DMC1: variants seen among roughly 807,000 people sequenced by gnomAD.
DMC1 encodes the protein meiotic recombination protein DMC1 homolog.
Under a neutral mutation model 50.1 loss-of-function variants are expected in DMC1, and 27 were observed. That is an observed-to-expected ratio of 0.54 (90% CI 0.40 to 0.74). DMC1 has a LOEUF of 0.74. Among genes scored for constraint, DMC1 ranks in the 30% least tolerant of loss-of-function variants. DMC1 has a pLI of 0.00. For synonymous variants in DMC1, 148 were observed against 136.1 expected, an observed-to-expected ratio of 1.09 and a Z score of -0.61; for missense variants, 295 against 420.2, an observed-to-expected ratio of 0.70 and a Z score of 2.60.
At chr22:38,562,696 A>G (rs2090540023) in intron 4 of DMC1, among the ~76,000 whole-genome samples, 1 of 151,972 alleles carries the variant, frequency 6.6e-6, no homozygotes, top group Non-Finnish European at 1.5e-5. Context: ...AATTATATAT[A>G]TATACACACA....
At chr22:38,562,832 C>T (rs2090543703) in intron 4 of DMC1, among the ~76,000 whole-genome samples, 1 of 151,132 alleles carries the variant, frequency 6.6e-6, no homozygotes, top group Admixed American at 6.6e-5. Context: ...CACATATATA[C>T]ATATACACAT....
chr22:38,538,759 G>T, intron 9 of DMC1, 147 bp from the exon 10 acceptor site: 1 of 794,174 alleles, frequency 1.3e-6, no homozygotes, highest in Non-Finnish European at 2.1e-6. Context: ...TTGCAGCAGG[G>T]CATGGTGGCT....
intron 8 of DMC1, among the ~76,000 whole-genome samples, chr22:38,543,886 T>C (rs2090314190): frequency 6.6e-6 from 1 of 152,114 alleles, no homozygotes; most frequent in South Asian, 2.1e-4. Flanking sequence ...CTCTTTAAAA[T>C]AGCCAGTCGG....
At chr22:38,514,780 C>T (rs538994232), downstream of DMC1, among the ~76,000 whole-genome samples, 5 of 152,174 alleles carry the variant, frequency 3.3e-5, no homozygotes, top group African/African-American at 1.2e-4. Context: ...CCTGTATGGT[C>T]TAAAAGGAGA....
In DMC1 at chr22:38,520,092, A is replaced by G. The variant is rs764852949; in HGVS notation, c.954-3T>C. 19 of 1,611,386 alleles carry G rather than the reference A, an allele frequency of 1.2e-5. No individual in the cohort carries two copies. The highest frequency in any genetic ancestry group is 5.3e-5 in the African/African-American group (4 of 74,852). On this transcript the variant is annotated splice_region_variant and splice_polypyrimidine_tract_variant and intron_variant, in intron 13 of 13. Coordinates refer to ENST00000216024, the MANE Select transcript of DMC1 (RefSeq NM_007068.4). ...CTTCATTTTCAGGCATCTCAGGACTAACAGAATACAAGGGAACAGAAGTTT... is the reference window on the plus strand; with the variant it reads ...CTTCATTTTCAGGCATCTCAGGACTGACAGAATACAAGGGAACAGAAGTTT...
At chr22:38,560,469 C>T (rs1316847400) in intron 5 of DMC1, among the ~76,000 whole-genome samples, 1 of 150,392 alleles carries the variant, frequency 6.6e-6, no homozygotes, top group African/African-American at 2.4e-5. Flanking sequence ...CCAGCCTAAC[C>T]TATGTTTTAA....
chr22:38,529,035 A>G (rs2145814662), intron 12 of DMC1, among the ~76,000 whole-genome samples: 1 of 149,858 alleles, frequency 6.7e-6, no homozygotes, highest in East Asian at 2.0e-4. Context: ...TTTTTGACGG[A>G]GTTTCGCTCT....
intron 2 of DMC1, 128 bp downstream of exon 2, chr22:38,568,078 C>T (rs11570379): frequency 0.024 from 19,919 of 826,828 alleles, 359 homozygotes; most frequent in South Asian, 0.051. Context: ...CAAGTTGTTA[C>T]ATATTTGCAA....
chr22:38,539,487 TC>T (rs1354264790), intron 8 of DMC1, 75 bp from the exon 9 acceptor site: 1 of 1,142,848 alleles, frequency 8.8e-7, no homozygotes, highest in Non-Finnish European at 1.3e-6. Context: ...AAACATAATA[TC>T]TTCCGTAAAT....
intron 4 of DMC1, among the ~76,000 whole-genome samples, chr22:38,562,688 T>TTA (rs113831168): frequency 0.029 from 4,457 of 151,806 alleles, 210 homozygotes; most frequent in African/African-American, 0.1. Context: ...GAAAATTAAA[T>TTA]TATATATATA....
At chr22:38,561,499 A>AT (rs2145997650) in intron 5 of DMC1, among the ~76,000 whole-genome samples, 1 of 152,298 alleles carries the variant, frequency 6.6e-6, no homozygotes, top group East Asian at 1.9e-4. Context: ...GATGTCAAGG[A>AT]TAACACCCAG....
downstream of DMC1, among the ~76,000 whole-genome samples, chr22:38,516,127 T>C (rs2089975058): frequency 1.3e-5 from 2 of 152,162 alleles, no homozygotes. Flanking sequence ...GCACTGGTGA[T>C]TTTCCTGCTG....
At chr22:38,527,039 G>A (rs982182532) in intron 12 of DMC1, among the ~76,000 whole-genome samples, 5 of 152,074 alleles carry the variant, frequency 3.3e-5, no homozygotes, top group African/African-American at 4.8e-5. Context: ...ATACATCCCT[G>A]CAAAACCTCT....
intron 8 of DMC1, among the ~76,000 whole-genome samples, chr22:38,543,303 C>T (rs2090307184): frequency 6.6e-6 from 1 of 150,776 alleles, no homozygotes; most frequent in East Asian, 1.9e-4. Context: ...GATCTCGGCT[C>T]ACTGCAAGCT....
chr22:38,561,417 C>T (rs1371271286), intron 5 of DMC1, among the ~76,000 whole-genome samples: 1 of 152,060 alleles, frequency 6.6e-6, no homozygotes, highest in Non-Finnish European at 1.5e-5. Context: ...TTTGTTCTGA[C>T]TAAATATATT....
chr22:38,537,277 G>A (rs796935614), intron 12 of DMC1, among the ~76,000 whole-genome samples: 20 of 151,892 alleles, frequency 1.3e-4, no homozygotes, highest in African/African-American at 4.8e-4. Flanking sequence ...ACAATGGCGC[G>A]ATCTCGGCTT....
intron 6 of DMC1, among the ~76,000 whole-genome samples, chr22:38,554,012 A>ATCCCAGCT (rs1371953138): frequency 2.0e-5 from 3 of 150,884 alleles, no homozygotes; most frequent in Non-Finnish European, 3.0e-5. Flanking sequence ...GTTGCCTGTA[A>ATCCCAGCT]TCCCAGCTAC....
the DMC1 span, among the ~76,000 whole-genome samples, chr22:38,513,919 T>C: frequency 1.3e-5 from 2 of 152,180 alleles, no homozygotes; most frequent in African/African-American, 4.8e-5. Flanking sequence ...TTTTCTAACT[T>C]GATGCATCCC....
chr22:38,560,678 CAT>C lies in DMC1; in HGVS notation c.326+1607_326+1608del, dbSNP rs529655310. 2.3e-4 allele frequency among the ~76,000 whole-genome samples: 35 copies of C among 151,674 alleles called. No individual in the cohort carries two copies. The South Asian group carries it at 5.8e-3, about 25-fold the overall frequency. On this transcript the variant is annotated intron_variant, in intron 5 of 13. Transcript: ENST00000216024. ...TTCTCACTCTCTATGTACACACACA[CAT>C]ATACACATAAAAATAACATATATTA...
Sources: gnomAD v4.1 joint callset for allele counts (sites outside exome capture counted in the v4.1 genomes callset) on GRCh38, gnomAD v4.1.1 for gene constraint, MANE v1.5 for transcripts, NCBI Gene and HGNC (gene_info 2026-07-23, HGNC 2026-07-21) for gene names.